Variants in DRC1 observed in about 807,000 individuals in gnomAD.
DRC1 encodes the protein dynein regulatory complex protein 1.
In DRC1, 74 loss-of-function variants were observed where a neutral mutation model predicts 98.7. That is an observed-to-expected ratio of 0.75 (90% CI 0.62 to 0.91). The LOEUF (loss-of-function observed/expected upper bound fraction) is 0.91, where lower values mean the gene tolerates loss of function less well. Among genes scored for constraint, DRC1 ranks in the 40% least tolerant of loss-of-function variants. The pLI is 0.00. For missense variants in DRC1, 875 were observed against 886.0 expected (o/e 0.99, Z 0.16); for synonymous variants, 336 against 334.1 (o/e 1.01, Z -0.06).
chr2:26,427,333 C>T (rs1170223978), intron 4 of DRC1, among the ~76,000 whole-genome samples: 2 of 152,074 alleles, frequency 1.3e-5, no homozygotes, highest in Non-Finnish European at 2.9e-5. Flanking sequence ...CAAGTCTGGT[C>T]TCAAACTCCT....
intron 2 of DRC1, among the ~76,000 whole-genome samples, chr2:26,416,997 G>A (rs1310476370): frequency 1.3e-5 from 2 of 152,048 alleles, no homozygotes; most frequent in African/African-American, 4.8e-5. Flanking sequence ...GAGAGTGCAA[G>A]GAGGTGCCAC....
intron 7 of DRC1, among the ~76,000 whole-genome samples, chr2:26,436,742 G>A (rs920994839): frequency 6.6e-5 from 10 of 152,094 alleles, no homozygotes; most frequent in African/African-American, 2.4e-4. Context: ...CAATCCTATG[G>A]CCAAATAAGT....
At chr2:26,449,757 GTC>G (rs1193037969) in intron 11 of DRC1, among the ~76,000 whole-genome samples, 1 of 152,216 alleles carries the variant, frequency 6.6e-6, no homozygotes, top group Admixed American at 6.5e-5. Context: ...GAAAAGCTAA[GTC>G]TGTGGTGAGG....
At chr2:26,402,343 G>A (rs1678273173) in intron 1 of DRC1, among the ~76,000 whole-genome samples, 199 bp downstream of exon 1, 1 of 152,258 alleles carries the variant, frequency 6.6e-6, no homozygotes, top group African/African-American at 2.4e-5. Context: ...GAGCCCAGGA[G>A]TTGGAGATGG....
chr2:26,420,832 T>C (rs1663119888), intron 2 of DRC1, among the ~76,000 whole-genome samples: 1 of 151,530 alleles, frequency 6.6e-6, no homozygotes, highest in South Asian at 2.1e-4. Flanking sequence ...GGCGTGACCT[T>C]GGCTCACTGT....
chr2:26,421,505 T>G, intron 3 of DRC1, 105 bp downstream of exon 3: 1 of 764,368 alleles, frequency 1.3e-6, no homozygotes. Context: ...CTTAGACAAT[T>G]CCCTTCCTGC....
At chr2:26,437,214 G>C (rs1024356607) in intron 7 of DRC1, among the ~76,000 whole-genome samples, 3 of 152,308 alleles carry the variant, frequency 2.0e-5, no homozygotes, top group African/African-American at 7.2e-5. Flanking sequence ...GAGACACTCA[G>C]GGCCATCCCT....
chr2:26,427,738 A>G (rs1663323606), intron 4 of DRC1, among the ~76,000 whole-genome samples: 1 of 151,984 alleles, frequency 6.6e-6, no homozygotes, highest in African/African-American at 2.4e-5. Context: ...TACCCTTCTC[A>G]GTCTCTGCTA....
At chr2:26,412,774 T>C (rs993610190) in intron 1 of DRC1, among the ~76,000 whole-genome samples, 1 of 152,134 alleles carries the variant, frequency 6.6e-6, no homozygotes, top group African/African-American at 2.4e-5. Context: ...TAAGCCTGTT[T>C]TTTGTTTTTG....
chr2:26,438,647 C>T (rs548241703), intron 7 of DRC1, among the ~76,000 whole-genome samples: 1 of 152,118 alleles, frequency 6.6e-6, no homozygotes, highest in Admixed American at 6.6e-5. Context: ...TGGGGATCGC[C>T]GGATTCCACA....
intron 9 of DRC1, 107 bp downstream of exon 9, chr2:26,444,463 G>A (rs1270294055): frequency 6.9e-7 from 1 of 1,457,606 alleles, no homozygotes. Context: ...CAGCTATTCT[G>A]GGGCTGGACC....
intron 2 of DRC1, among the ~76,000 whole-genome samples, chr2:26,418,627 A>T (rs934406843): frequency 2.0e-5 from 2 of 100,742 alleles, no homozygotes; most frequent in Non-Finnish European, 3.6e-5. Context: ...TATAATATAA[A>T]TTATATATAA....
chr2:26,402,735 C>A (rs564022020), intron 1 of DRC1, among the ~76,000 whole-genome samples: 1 of 152,320 alleles, frequency 6.6e-6, no homozygotes, highest in East Asian at 1.9e-4. Context: ...CACTGGACCC[C>A]TACAAACTTG....
intron 13 of DRC1, among the ~76,000 whole-genome samples, chr2:26,451,052 A>G (rs145636562): frequency 1.3e-5 from 2 of 152,240 alleles, no homozygotes; most frequent in East Asian, 1.9e-4. Flanking sequence ...TGCATTTTCA[A>G]TTGTCCCGAA....
At chr2:26,449,406 G>A (rs1443171224) in intron 11 of DRC1, among the ~76,000 whole-genome samples, 1 of 152,252 alleles carries the variant, frequency 6.6e-6, no homozygotes, top group Non-Finnish European at 1.5e-5. Flanking sequence ...GAGGGCAGCT[G>A]CTGCTGAAGG....
intron 7 of DRC1, among the ~76,000 whole-genome samples, chr2:26,436,206 T>C (rs570362663): frequency 6.6e-6 from 1 of 152,260 alleles, no homozygotes; most frequent in Non-Finnish European, 1.5e-5. Flanking sequence ...GATTAGCATT[T>C]CTCTAATGAT....
At chr2:26,439,946 CAT>C (rs1558449059) in intron 7 of DRC1, among the ~76,000 whole-genome samples, 51 of 21,478 alleles carry the variant, frequency 2.4e-3, no homozygotes, top group Non-Finnish European at 6.1e-3. Flanking sequence ...TACACACACA[CAT>C]ACACACACAC....
chr2:26,418,991 C>T (rs368674425), intron 2 of DRC1, among the ~76,000 whole-genome samples: 17 of 150,346 alleles, frequency 1.1e-4, no homozygotes, highest in Middle Eastern at 3.4e-3. Context: ...TGGGTTCACG[C>T]GATTCCCCTG....
chr2:26,455,073 C>T lies in DRC1; in HGVS notation c.2064-58C>T, dbSNP rs899882791. 17 of 1,584,978 alleles carry T rather than the reference C, an allele frequency of 1.1e-5. No homozygotes were observed. The Admixed American group carries it at 1.3e-4, about 12-fold the overall frequency. On this transcript the variant is annotated intron_variant, in intron 15 of 16. Coordinates refer to ENST00000288710, the MANE Select transcript of DRC1 (RefSeq NM_145038.5). Reference sequence around the variant, plus strand: ...AAGTACAACCACCAAGACCCTGGCCCCTACTTGGCAGAGGATGGAGGATTC... The same window carrying T: ...AAGTACAACCACCAAGACCCTGGCCTCTACTTGGCAGAGGATGGAGGATTC...
Sources: allele counts gnomAD v4.1 joint callset (sites outside exome capture counted in the v4.1 genomes callset), GRCh38; gene constraint gnomAD v4.1.1; transcripts MANE v1.5; gene names NCBI Gene and HGNC (gene_info 2026-07-23, HGNC 2026-07-21).